NUFIP2: variants seen among roughly 807,000 people sequenced by gnomAD.
NUFIP2 encodes FMR1-interacting protein NUFIP2.
A neutral mutation model predicts 56.9 loss-of-function variants in NUFIP2; 6 were observed. The ratio of observed to expected loss-of-function variants is 0.11; its 90% CI spans 0.06 to 0.21. NUFIP2 has a LOEUF of 0.21. Ranked by LOEUF, NUFIP2 falls within the 10% of genes least tolerant of loss-of-function variation. NUFIP2 has a pLI of 1.00. For missense variants in NUFIP2, 828 were observed against 826.8 expected, an observed-to-expected ratio of 1.00 and a Z score of -0.02; for synonymous variants, 321 against 298.2, an observed-to-expected ratio of 1.08 and a Z score of -0.79.
In NUFIP2 at chr17:29,260,919, C is replaced by T. The variant is rs1213181044; in HGVS notation, c.*3620G>A. Reference sequence around the variant, plus strand: ...ATTAAATTCCTAGTTATTGGCTATCCCCTCCTAGAAAGTAGAGGAGGAAGG... The same window carrying T: ...ATTAAATTCCTAGTTATTGGCTATCTCCTCCTAGAAAGTAGAGGAGGAAGG... On this transcript the variant is annotated 3_prime_UTR_variant, in exon 4 of 4. Coordinates refer to ENST00000225388, the MANE Select transcript of NUFIP2 (RefSeq NM_020772.3). 2.0e-5 allele frequency: 3 copies of T among 151,960 alleles called. No individual in the cohort carries two copies. The highest frequency in any genetic ancestry group is 1.3e-4 in the Admixed American group (2 of 15,258). 9.4% of individuals were successfully genotyped at this position (151,960 alleles called of 1,614,324 possible). A position where few individuals can be genotyped will look rare whatever the true frequency, so the allele number is the denominator to read the frequency against.
At chr17:29,283,088 A>G (rs533904183) in intron 2 of NUFIP2, among the ~76,000 whole-genome samples, 7 of 152,346 alleles carry the variant, frequency 4.6e-5, no homozygotes, top group African/African-American at 1.7e-4. Context: ...TACAGAACTC[A>G]AGATGACACT....
intron 2 of NUFIP2, among the ~76,000 whole-genome samples, chr17:29,274,301 GTCTA>G (rs1237146437): frequency 8.5e-5 from 13 of 152,178 alleles, no homozygotes; most frequent in African/African-American, 2.9e-4. Context: ...GAGACCCTAT[GTCTA>G]CAAAACATTT....
In NUFIP2 at chr17:29,256,661, A is replaced by C. The variant is rs1254274711; in HGVS notation, c.*7878T>G. ...GCCTCTCCTACAAAGGTCCTGAACC[A>C]ATTAAAAAAAAAAAAACTTTAAAAA... On this transcript the variant is annotated 3_prime_UTR_variant, in exon 4 of 4. Transcript: ENST00000225388. 3 of 151,982 alleles carry C rather than the reference A, an allele frequency of 2.0e-5. No individual in the cohort carries two copies. Among genetic ancestry groups the C allele is most frequent in the Admixed American group, 2.0e-4 (3 of 15,264 alleles). The allele number at this position is 151,982 out of a possible 1,614,324, so 9.4% of individuals were successfully genotyped here.
At chr17:29,273,225 G>C (rs938160975) in intron 2 of NUFIP2, among the ~76,000 whole-genome samples, 2 of 152,118 alleles carry the variant, frequency 1.3e-5, no homozygotes, top group African/African-American at 4.8e-5. Context: ...TTTTAGTAGA[G>C]ATGGGGTTTC....
In NUFIP2 at chr17:29,257,432, A is replaced by G. The variant is rs1490773713; in HGVS notation, c.*7107T>C. The G allele has an allele frequency of 6.6e-6, 1 of 152,218 alleles. No individual in the cohort carries two copies. Among genetic ancestry groups the G allele is most frequent in the Non-Finnish European group, 1.5e-5 (1 of 68,022 alleles). The allele number at this position is 152,218 out of a possible 1,614,324, so 9.4% of individuals were successfully genotyped here. ...TTCGAGTGTGCAAAATGCATTTCTA[A>G]AACGTAATGCAAGCAAAGCTTTCAC... On this transcript the variant is annotated 3_prime_UTR_variant, in exon 4 of 4. Transcript: ENST00000225388.
At position 29,286,717 on chromosome 17, in the gene NUFIP2, T is replaced by C. The variant is rs769151658; in HGVS notation, c.1277A>G (p.Asn426Ser). 6.2e-7 allele frequency: 1 copy of C among 1,614,120 alleles called. No homozygotes were observed. Among genetic ancestry groups the C allele is most frequent in the Non-Finnish European group, 8.5e-7 (1 of 1,180,020 alleles). ...TGGCTGACCCCCTGGAGGATAAACA[T>C]TTCCATCAGTCCCTGCTAAAACAGG... ...NGPVLAGTDGNVYPPGGQPLL... is the reference protein window; with the variant it reads ...NGPVLAGTDGSVYPPGGQPLL... The change falls in exon 2 of 4, where the codon AAT becomes AGT. Residue 426 changes from asparagine (N) to serine (S), a missense_variant. This residue lies in a region of NUFIP2 where 404 missense variants were observed against 380.3 expected (regional missense o/e 1.06). Coordinates refer to ENST00000225388, the MANE Select transcript of NUFIP2 (RefSeq NM_020772.3).
chr17:29,266,124 A>G (rs969553796), intron 3 of NUFIP2, among the ~76,000 whole-genome samples: 1 of 152,170 alleles, frequency 6.6e-6, no homozygotes, highest in Non-Finnish European at 1.5e-5. Flanking sequence ...GGCATGTGCC[A>G]CCACGCCTGG....
At chr17:29,277,907 G>A (rs2069116983) in intron 2 of NUFIP2, among the ~76,000 whole-genome samples, 2 of 152,208 alleles carry the variant, frequency 1.3e-5, no homozygotes, top group Non-Finnish European at 2.9e-5. Flanking sequence ...CAGCTACTCA[G>A]GAGGCTGAGG....
rs1040753802 is a variant in NUFIP2, at chr17:29,259,853, C to A, written c.*4686G>T. 2.0e-5 allele frequency: 3 copies of A among 152,184 alleles called. No individual in the cohort carries two copies. Among genetic ancestry groups the A allele is most frequent in the Non-Finnish European group, 2.9e-5 (2 of 68,046 alleles). The allele number at this position is 152,184 out of a possible 1,614,324, so 9.4% of individuals were successfully genotyped here. The stretch of plus-strand genomic sequence containing the variant: ...CTGGCATCCTTTAACTACTTTAAGA[C>A]CTTTCTTGAGCGGCAAAACAGTGTG... On this transcript the variant is annotated 3_prime_UTR_variant, in exon 4 of 4. Coordinates refer to ENST00000225388, the MANE Select transcript of NUFIP2 (RefSeq NM_020772.3).
At chr17:29,278,801 GT>G (rs1219673172) in intron 2 of NUFIP2, among the ~76,000 whole-genome samples, 2 of 152,048 alleles carry the variant, frequency 1.3e-5, no homozygotes, top group Non-Finnish European at 2.9e-5. Flanking sequence ...TCTTTCACCA[GT>G]ATCAAGGTGA....
intron 2 of NUFIP2, among the ~76,000 whole-genome samples, chr17:29,271,177 G>T (rs781708930): frequency 6.6e-6 from 1 of 152,116 alleles, no homozygotes; most frequent in African/African-American, 2.4e-5. Context: ...TTCTGAGGGG[G>T]AAATAGGGAT....
At chr17:29,276,780 C>T (rs1406384635) in intron 2 of NUFIP2, among the ~76,000 whole-genome samples, 1 of 152,162 alleles carries the variant, frequency 6.6e-6, no homozygotes, top group African/African-American at 2.4e-5. Context: ...TGAACAAATA[C>T]TATTCATAAG....
chr17:29,285,278 TGA>T (rs1005485855), intron 2 of NUFIP2, among the ~76,000 whole-genome samples: 2 of 136,516 alleles, frequency 1.5e-5, no homozygotes, highest in Non-Finnish European at 3.1e-5. Flanking sequence ...CCAGCCTGGG[TGA>T]GAGAGTGAGA....
intron 2 of NUFIP2, among the ~76,000 whole-genome samples, chr17:29,274,808 A>C (rs2069097359): frequency 6.6e-6 from 1 of 152,156 alleles, no homozygotes. Context: ...AGAGAGTCCA[A>C]TAAATGTTAA....
At position 29,258,079 on chromosome 17, in the gene NUFIP2, T is replaced by A. The variant is rs557880250; in HGVS notation, c.*6460A>T. 1.0e-3 allele frequency: 153 copies of A among 152,260 alleles called. No individual in the cohort carries two copies. Among genetic ancestry groups the A allele is most frequent in the African/African-American group, 3.5e-3 (146 of 41,540 alleles). The allele number at this position is 152,260 out of a possible 1,614,324, so 9.4% of individuals were successfully genotyped here. A position where few individuals can be genotyped will look rare whatever the true frequency, so the allele number is the denominator to read the frequency against. ...CATGGCGTTTCCAATTTTTTTTTTT[T>A]AATATACATGCAAGGCACATTGATA... On this transcript the variant is annotated 3_prime_UTR_variant, in exon 4 of 4. Coordinates refer to ENST00000225388, the MANE Select transcript of NUFIP2 (RefSeq NM_020772.3).
At chr17:29,270,556 ATTT>A (rs1021994445) in intron 2 of NUFIP2, among the ~76,000 whole-genome samples, 1 of 152,132 alleles carries the variant, frequency 6.6e-6, no homozygotes, top group Non-Finnish European at 1.5e-5. Flanking sequence ...TACAACCAAT[ATTT>A]TTTATTTTAA....
rs964715269 is a variant in NUFIP2, at chr17:29,293,643, G to A, written c.277+140C>T. The A allele has an allele frequency of 5.5e-6, 5 of 907,744 alleles. No individual in the cohort carries two copies. The Admixed American group carries it at 9.5e-5, about 17-fold the overall frequency. The allele number at this position is 907,744 out of a possible 1,614,324, so 56.2% of individuals were successfully genotyped here. On this transcript the variant is annotated intron_variant, in intron 1 of 3. Coordinates refer to ENST00000225388, the MANE Select transcript of NUFIP2 (RefSeq NM_020772.3). ...CATTGCTCAGCCCGAGCTCTAGAAT[G>A]AAAGGGGCATCCCCAGAGCCGGAGG...
intron 2 of NUFIP2, among the ~76,000 whole-genome samples, chr17:29,278,493 G>A (rs904861409): frequency 3.3e-5 from 5 of 151,972 alleles, no homozygotes; most frequent in Non-Finnish European, 7.4e-5. Context: ...TGATCTGCCC[G>A]CCTCGGCCTC....
At chr17:29,287,807 T>C in intron 1 of NUFIP2, 91 bp from the exon 2 acceptor site, 1 of 1,208,242 alleles carries the variant, frequency 8.3e-7, no homozygotes, top group South Asian at 1.6e-5. Context: ...TACTGTATGC[T>C]AGACACTATG....
Sources: allele counts gnomAD v4.1 joint callset (sites outside exome capture counted in the v4.1 genomes callset), GRCh38; gene constraint gnomAD v4.1.1; regional missense constraint gnomAD v4.1.1; transcripts MANE v1.5; gene names NCBI Gene and HGNC (gene_info 2026-07-23, HGNC 2026-07-21).